CUX2: variants seen among roughly 807,000 people sequenced by gnomAD.
The protein encoded by CUX2 is cut like homeobox 2, also known as homeobox protein cut-like 2.
CUX2 carries 40 observed loss-of-function variants against 144.8 expected under a neutral mutation model. The observed-to-expected ratio is 0.28, with a 90% CI of 0.21 to 0.36. The LOEUF is 0.36. Among genes scored for constraint, CUX2 ranks in the 10% least tolerant of loss-of-function variants. The pLI is 1.00. For synonymous variants in CUX2, 827 were observed against 875.6 expected (o/e 0.94, Z 0.98); for missense variants, 1,615 against 1,994.0 (o/e 0.81, Z 3.62).
chr12:111,245,518 A>G (rs932763063), intron 3 of CUX2, among the ~76,000 whole-genome samples: 15 of 152,078 alleles, frequency 9.9e-5, no homozygotes, highest in African/African-American at 3.6e-4. Context: ...CCTACTCCAG[A>G]GGCTGAGGTG....
rs556725638 is a variant in CUX2 at position 111,289,757 on chromosome 12, G to A, written c.302-1661G>A. 1.2e-4 allele frequency among the ~76,000 whole-genome samples: 18 copies of A among 151,960 alleles called. No homozygotes were observed. Among genetic ancestry groups the A allele is most frequent in the African/African-American group, 2.9e-4 (12 of 41,364 alleles). ...CCCGAAAAAGTCCTTAACCAACAAC[G>A]TGTGTCACAAATGATGGTGTCACCA... On this transcript the variant is annotated intron_variant, in intron 4 of 21. Coordinates refer to ENST00000261726, the MANE Select transcript of CUX2 (RefSeq NM_015267.4). This position sits in a 1 kb window ranked among gnomAD's most constrained non-coding sequence, Gnocchi z 4.1.
At chr12:111,046,053 C>A (rs1869980362) in intron 1 of CUX2, among the ~76,000 whole-genome samples, 1 of 152,216 alleles carries the variant, frequency 6.6e-6, no homozygotes, top group South Asian at 2.1e-4. Context: ...GAGAGAAGCT[C>A]ACCTGAACTC....
At chr12:111,272,558 G>T (rs1039891692) in intron 4 of CUX2, among the ~76,000 whole-genome samples, 3 of 152,150 alleles carry the variant, frequency 2.0e-5, no homozygotes, top group Non-Finnish European at 2.9e-5. Context: ...TCCGCCTCTA[G>T]GGTTCAAGCA....
chr12:111,334,650 G>T lies in CUX2; in HGVS notation c.3136G>T (p.Glu1046Ter). Residue 1046 changes from glutamate to a stop codon, truncating the protein, a stop_gained, in exon 19 of 22, where the codon GAG becomes TAG. Coordinates refer to ENST00000261726, the MANE Select transcript of CUX2 (RefSeq NM_015267.4). LOFTEE classifies it high-confidence loss of function. ...CCAGGAGATCGTGGCCATGTCCCCC[G>T]AGCTGGACACGTACTCCATCACCAA... ...GIQEIVAMSP[E>*]LDTYSITKRV... The T allele has an allele frequency of 6.2e-7, 1 of 1,613,958 alleles. No individual in the cohort carries two copies.
chr12:111,320,842 C>T lies in CUX2; in HGVS notation c.2766+67C>T, dbSNP rs1206671011. On this transcript the variant is annotated intron_variant, in intron 17 of 21. Coordinates refer to ENST00000261726, the MANE Select transcript of CUX2 (RefSeq NM_015267.4). The surrounding 1 kb of genome is among the most constrained non-coding windows in gnomAD (Gnocchi z 8.1). ...AGATGTCGGAGAAGTAGGATGCCCA[C>T]CCAAGCAGGCTGGCGGGACCCCAGG... 9.3e-6 allele frequency: 13 copies of T among 1,398,114 alleles called. No individual in the cohort carries two copies. The highest frequency in any genetic ancestry group is 2.6e-4 in the Middle Eastern group (1 of 3,826). The allele number at this position is 1,398,114 out of a possible 1,614,324, so 86.6% of individuals were successfully genotyped here.
chr12:111,347,622 A>AACCCCCCCC lies in CUX2; in HGVS notation c.3758_3759insACCCCCCCC (p.His1253delinsGlnProProPro). 9.6e-7 allele frequency: 1 copy of AACCCCCCCC among 1,043,590 alleles called. No individual in the cohort carries two copies. The highest frequency in any genetic ancestry group is 1.4e-6 in the Non-Finnish European group (1 of 709,008). 64.6% of individuals were successfully genotyped at this position (1,043,590 alleles called of 1,614,324 possible). A position where few individuals can be genotyped will look rare whatever the true frequency, so the allele number is the denominator to read the frequency against. ...GGAATCCTACCGCCAGGCCACTCCC[A>AACCCCCCCC]CCCAGACCCCACCCCGCAGAGCCCT... On this transcript the variant is annotated protein_altering_variant, in exon 22 of 22. Coordinates refer to ENST00000261726, the MANE Select transcript of CUX2 (RefSeq NM_015267.4).
intron 1 of CUX2, among the ~76,000 whole-genome samples, chr12:111,081,707 G>T (rs1165332138): frequency 6.6e-6 from 1 of 152,230 alleles, no homozygotes; most frequent in Non-Finnish European, 1.5e-5. Flanking sequence ...GTGATTTCTG[G>T]ATGCAGCGGG....
intron 3 of CUX2, 75 bp downstream of exon 3, chr12:111,218,012 CA>C (rs1349455920): frequency 6.6e-7 from 1 of 1,511,008 alleles, no homozygotes; most frequent in Non-Finnish European, 9.2e-7. Flanking sequence ...TAGAGTTGCC[CA>C]GGGGGGCCAG....
At chr12:111,200,810 C>T (rs1041900938) in intron 1 of CUX2, among the ~76,000 whole-genome samples, 3 of 152,272 alleles carry the variant, frequency 2.0e-5, no homozygotes, top group South Asian at 2.1e-4. Flanking sequence ...ATCACCCCTA[C>T]GAAAATTTTC....
At chr12:111,250,864 G>A (rs1883527760) in intron 3 of CUX2, among the ~76,000 whole-genome samples, 2 of 152,214 alleles carry the variant, frequency 1.3e-5, no homozygotes, top group Non-Finnish European at 2.9e-5. Flanking sequence ...GCCCATGAAA[G>A]TGGATCTGGA....
intron 4 of CUX2, among the ~76,000 whole-genome samples, chr12:111,285,843 C>T (rs1885353062): frequency 6.6e-6 from 1 of 152,236 alleles, no homozygotes; most frequent in East Asian, 1.9e-4. Context: ...ATGTCACCGC[C>T]ACCTTCTCCC....
intron 3 of CUX2, among the ~76,000 whole-genome samples, chr12:111,259,073 T>TTG (rs72357793): frequency 7.8e-5 from 7 of 89,216 alleles, no homozygotes; most frequent in Admixed American, 2.2e-4. Context: ...GTGTGTGTGT[T>TTG]TGTGTGTGTG....
chr12:111,342,048 C>T lies in CUX2; in HGVS notation c.3654C>T (p.Asn1218=), dbSNP rs757494219. 1.9e-6 allele frequency: 3 copies of T among 1,612,034 alleles called. No individual in the cohort carries two copies. Among genetic ancestry groups the T allele is most frequent in the Non-Finnish European group, 2.5e-6 (3 of 1,178,856 alleles). Residue 1218 remains asparagine (N), a synonymous_variant, in exon 21 of 22, where the codon AAC becomes AAT. Coordinates refer to ENST00000261726, the MANE Select transcript of CUX2 (RefSeq NM_015267.4). ...KTNTVINWFH[N]YRSRMRREML... ...ACACCGTCATCAACTGGTTCCACAA[C>T]TACAGGTGGGACTATGGGGGCGTAC...
chr12:111,202,162 C>T (rs1049301088), intron 1 of CUX2, among the ~76,000 whole-genome samples: 2 of 152,154 alleles, frequency 1.3e-5, no homozygotes, highest in African/African-American at 4.8e-5. Context: ...GATCCCTTTC[C>T]CCTGCCCCCA....
At chr12:111,157,000 A>AAAAAC (rs1438276984) in intron 1 of CUX2, among the ~76,000 whole-genome samples, 2 of 150,978 alleles carry the variant, frequency 1.3e-5, no homozygotes, top group Non-Finnish European at 2.9e-5. Context: ...AAAAAAAAAA[A>AAAAAC]AAAAAAAAAC....
In CUX2 at chr12:111,166,018, TTTG is replaced by T. The variant is rs1315272290; in HGVS notation, c.64-48170_64-48168del. Among the ~76,000 whole-genome samples the T allele has an allele frequency of 3.3e-5, 5 of 152,246 alleles. No individual in the cohort carries two copies. In the East Asian group the frequency reaches 5.8e-4, roughly 18 times the overall value. ...TTCAGTGTGTCCACTTTGACTCTTT[TTTG>T]TTGTTGTTGTTTTTATAGACTGGGT... On this transcript the variant is annotated intron_variant, in intron 1 of 21. Transcript: ENST00000261726.
intron 1 of CUX2, among the ~76,000 whole-genome samples, chr12:111,113,166 G>A (rs1055828152): frequency 2.0e-5 from 3 of 152,152 alleles, no homozygotes; most frequent in Admixed American, 6.5e-5. Flanking sequence ...GCCGGGAGGG[G>A]TAGAGAGGAC....
chr12:111,224,058 T>C (rs1294726490), intron 3 of CUX2, among the ~76,000 whole-genome samples: 1 of 152,146 alleles, frequency 6.6e-6, no homozygotes, highest in Admixed American at 6.5e-5. Context: ...CATGGGAGGC[T>C]TTAGAGCAGA....
At chr12:111,338,011 G>C (rs1470476436) in intron 19 of CUX2, among the ~76,000 whole-genome samples, 1 of 151,844 alleles carries the variant, frequency 6.6e-6, no homozygotes, top group East Asian at 1.9e-4. Flanking sequence ...CTCAGCCTGG[G>C]CAATAGAGTG....
Sources: gnomAD v4.1 joint callset for allele counts (sites outside exome capture counted in the v4.1 genomes callset) on GRCh38, gnomAD v4.1.1 for gene constraint, Gnocchi (gnomAD v3.1) non-coding constraint, MANE v1.5 for transcripts, NCBI Gene and HGNC (gene_info 2026-07-23, HGNC 2026-07-21) for gene names.